XPNPEP3: variants seen among roughly 807,000 people sequenced by gnomAD.
XPNPEP3 encodes X-prolyl aminopeptidase 3.
A neutral mutation model predicts 60.0 loss-of-function variants in XPNPEP3; 41 were observed. That is an observed-to-expected ratio of 0.68 (90% CI 0.53 to 0.89). The LOEUF (loss-of-function observed/expected upper bound fraction) is 0.89, where lower values mean the gene tolerates loss of function less well. Ranked by LOEUF, XPNPEP3 falls within the 40% of genes least tolerant of loss-of-function variation. The pLI is 0.00. For synonymous variants in XPNPEP3, 212 were observed against 223.2 expected (o/e 0.95, Z 0.45); for missense variants, 598 against 638.9 (o/e 0.94, Z 0.69).
intron 1 of XPNPEP3, among the ~76,000 whole-genome samples, chr22:40,865,017 G>T (rs974316607): frequency 6.8e-4 from 103 of 152,162 alleles, no homozygotes; most frequent in African/African-American, 2.5e-3. Context: ...TAATTTCAGT[G>T]GAGTGTAAAG....
rs534951695 is a variant in XPNPEP3, at chr22:40,882,840, A to G, written c.589+663A>G. 3.9e-5 allele frequency among the ~76,000 whole-genome samples: 6 copies of G among 152,286 alleles called. No individual in the cohort carries two copies. The South Asian group carries it at 1.2e-3, about 32-fold the overall frequency. On this transcript the variant is annotated intron_variant, in intron 3 of 9. Transcript: ENST00000357137. The stretch of plus-strand genomic sequence containing the variant: ...CCACAATGAATTTTAGAACATTTCA[A>G]TTAAAAAAAAACTCCATGTTCACTG...
At chr22:40,872,984 T>C (rs1319674751) in intron 2 of XPNPEP3, among the ~76,000 whole-genome samples, 1 of 152,056 alleles carries the variant, frequency 6.6e-6, no homozygotes, top group Non-Finnish European at 1.5e-5. Flanking sequence ...ATATGTGGTA[T>C]AGTTTGGAAT....
intron 2 of XPNPEP3, among the ~76,000 whole-genome samples, chr22:40,874,998 CTTT>C (rs1390670023): frequency 6.6e-6 from 1 of 152,120 alleles, no homozygotes; most frequent in Non-Finnish European, 1.5e-5. Flanking sequence ...CATTTCAACA[CTTT>C]TTTAATAGAT....
chr22:40,903,906 ACACAC>A (rs2058144751), intron 4 of XPNPEP3, among the ~76,000 whole-genome samples: 2 of 151,224 alleles, frequency 1.3e-5, no homozygotes, highest in African/African-American at 2.4e-5. Flanking sequence ...ACACACACAC[ACACAC>A]AAGTTTCATG....
intron 2 of XPNPEP3, among the ~76,000 whole-genome samples, chr22:40,880,626 G>C (rs1486675996): frequency 6.6e-6 from 1 of 151,790 alleles, no homozygotes; most frequent in Non-Finnish European, 1.5e-5. Context: ...ATCTACAACT[G>C]TACAGTGTGT....
rs918606845 is a variant in XPNPEP3 at position 40,913,745 on chromosome 22, T to C, written c.970-494T>C. 4.6e-5 allele frequency among the ~76,000 whole-genome samples: 7 copies of C among 152,184 alleles called. No individual in the cohort carries two copies. The East Asian group carries it at 1.3e-3, about 29-fold the overall frequency. Reference sequence around the variant, plus strand: ...CAGGGTGAATTCATCTGAAAAGATTTGTTTTGTTTTCACATGCCCCCTGTT... The same window carrying C: ...CAGGGTGAATTCATCTGAAAAGATTCGTTTTGTTTTCACATGCCCCCTGTT... On this transcript the variant is annotated intron_variant, in intron 6 of 9. Transcript: ENST00000357137.
At chr22:40,908,731 T>C (rs1439394077) in intron 5 of XPNPEP3, among the ~76,000 whole-genome samples, 1 of 152,228 alleles carries the variant, frequency 6.6e-6, no homozygotes, top group Admixed American at 6.5e-5. Flanking sequence ...TTTCAGTGTT[T>C]AGCTAAATAA....
chr22:40,918,820 G>C (rs2058205937), intron 7 of XPNPEP3, among the ~76,000 whole-genome samples: 2 of 150,708 alleles, frequency 1.3e-5, no homozygotes, highest in Admixed American at 1.3e-4. Context: ...TATCTGACTG[G>C]TATTCACCTT....
At chr22:40,922,973 G>A (rs1394713735) in intron 8 of XPNPEP3, among the ~76,000 whole-genome samples, 1 of 152,106 alleles carries the variant, frequency 6.6e-6, no homozygotes, top group East Asian at 1.9e-4. Context: ...TTAAAATGAA[G>A]TCTGGTGCCG....
At chr22:40,878,790 G>A (rs989908066) in intron 2 of XPNPEP3, among the ~76,000 whole-genome samples, 2 of 152,086 alleles carry the variant, frequency 1.3e-5, no homozygotes, top group African/African-American at 4.8e-5. Context: ...GTTTCATCGT[G>A]TTAGCCAGAC....
At chr22:40,861,043 G>T in intron 1 of XPNPEP3, 1 of 1,550,288 alleles carries the variant, frequency 6.5e-7, no homozygotes, top group South Asian at 1.3e-5. Context: ...GTGTTCAAAT[G>T]TTATATATTT....
chr22:40,925,118 GAC>G (rs1033225671), intron 9 of XPNPEP3, among the ~76,000 whole-genome samples: 4 of 152,210 alleles, frequency 2.6e-5, no homozygotes, highest in African/African-American at 9.7e-5. Flanking sequence ...TGTGCAGAGA[GAC>G]AGGCAGACAC....
intron 6 of XPNPEP3, among the ~76,000 whole-genome samples, chr22:40,912,458 G>T (rs963270032): frequency 6.6e-6 from 1 of 152,202 alleles, no homozygotes; most frequent in South Asian, 2.1e-4. Context: ...TCACAGTATT[G>T]TCTTACATTT....
intron 1 of XPNPEP3, among the ~76,000 whole-genome samples, chr22:40,864,268 T>A (rs920553425): frequency 6.6e-6 from 1 of 151,990 alleles, no homozygotes; most frequent in Non-Finnish European, 1.5e-5. Flanking sequence ...CTGGTGGGAG[T>A]GTAGCAGTGA....
At position 40,929,153 on chromosome 22, in the gene XPNPEP3, G is replaced by A. The variant is rs572215987; in HGVS notation, c.*2718G>A. 1 of 152,142 alleles carries A rather than the reference G, an allele frequency of 6.6e-6. No homozygotes were observed. The highest frequency in any genetic ancestry group is 1.9e-4 in the East Asian group (1 of 5,180). 9.4% of individuals were successfully genotyped at this position (152,142 alleles called of 1,614,324 possible). ...TTGTTCATTTGTAATCCAGGAATAAGGAATTTCCTTTTCTTCTTGTATCAT... is the reference window on the plus strand; with the variant it reads ...TTGTTCATTTGTAATCCAGGAATAAAGAATTTCCTTTTCTTCTTGTATCAT... On this transcript the variant is annotated 3_prime_UTR_variant, in exon 10 of 10. Coordinates refer to ENST00000357137, the MANE Select transcript of XPNPEP3 (RefSeq NM_022098.4).
Position 40,881,916 on chromosome 22 carries a change from GATATTCCCTATACTTTC to G in XPNPEP3, c.329_345del (p.Asp110AlafsTer16). On this transcript the variant is annotated frameshift_variant, in exon 3 of 10. Transcript: ENST00000357137. LOFTEE classifies it high-confidence loss of function. ...CAACCCTACATACTACATGAGCAAC[GATATTCCCTATACTTTC>G]CACCAAGACAACAATTTCCTGTACC... The G allele has an allele frequency of 1.2e-6, 2 of 1,614,060 alleles. No homozygotes were observed. The highest frequency in any genetic ancestry group is 1.7e-6 in the Non-Finnish European group (2 of 1,180,008).
At chr22:40,892,177 T>A (rs1569023491) in intron 4 of XPNPEP3, among the ~76,000 whole-genome samples, 1 of 151,998 alleles carries the variant, frequency 6.6e-6, no homozygotes, top group African/African-American at 2.4e-5. Flanking sequence ...CATTGGCAAA[T>A]GTATTTCTTT....
chr22:40,891,666 A>G (rs905486176), intron 4 of XPNPEP3, among the ~76,000 whole-genome samples: 7 of 151,658 alleles, frequency 4.6e-5, no homozygotes, highest in Non-Finnish European at 1.0e-4. Flanking sequence ...AAAAAAAAAA[A>G]GGTTACAAGG....
chr22:40,874,452 G>T (rs2058019937), intron 2 of XPNPEP3, among the ~76,000 whole-genome samples: 1 of 151,996 alleles, frequency 6.6e-6, no homozygotes, highest in Non-Finnish European at 1.5e-5. Flanking sequence ...TTGAGACAGG[G>T]TCTCACTCTG....
Sources: gnomAD v4.1 joint callset for allele counts (sites outside exome capture counted in the v4.1 genomes callset) on GRCh38, gnomAD v4.1.1 for gene constraint, MANE v1.5 for transcripts, NCBI Gene and HGNC (gene_info 2026-07-23, HGNC 2026-07-21) for gene names.